Variants in TAFA2 observed in about 807,000 individuals in gnomAD.
TAFA2 encodes TAFA chemokine like family member 2, also known as chemokine-like protein TAFA-2.
A neutral mutation model predicts 18.8 loss-of-function variants in TAFA2; 7 were observed. The observed-to-expected ratio is 0.37, with a 90% CI of 0.21 to 0.70. The LOEUF is 0.70. TAFA2 is among the 30% of genes least tolerant of loss of function. TAFA2 has a pLI of 0.53. For missense variants in TAFA2, 122 were observed against 158.1 expected (o/e 0.77, Z 1.23); for synonymous variants, 60 against 54.2 (o/e 1.11, Z -0.47).
At chr12:61,978,508 T>A (rs1251348537) in intron 1 of TAFA2, among the ~76,000 whole-genome samples, 2 of 151,928 alleles carry the variant, frequency 1.3e-5, no homozygotes, top group Admixed American at 6.6e-5. Flanking sequence ...GACATACACC[T>A]ACATCAGACA....
intron 1 of TAFA2, among the ~76,000 whole-genome samples, chr12:62,048,225 G>A (rs1881959769): frequency 7.7e-6 from 1 of 130,644 alleles, no homozygotes; most frequent in Non-Finnish European, 1.7e-5. Context: ...TGGCTGGGGA[G>A]GTCTCAGGAA....
intron 1 of TAFA2, among the ~76,000 whole-genome samples, chr12:62,011,041 AGGTGGGG>A (rs1880742054): frequency 7.6e-6 from 1 of 131,018 alleles, no homozygotes; most frequent in Non-Finnish European, 1.6e-5. Context: ...CCCATCTGGG[AGGTGGGG>A]GGCGTCTCTG....
chr12:61,990,592 G>A (rs929544343), intron 1 of TAFA2, among the ~76,000 whole-genome samples: 2 of 145,798 alleles, frequency 1.4e-5, no homozygotes, highest in Non-Finnish European at 3.0e-5. Context: ...ACCCGCCTCG[G>A]CCTCCCAAAG....
upstream of TAFA2, among the ~76,000 whole-genome samples, chr12:62,194,004 T>C (rs1282788878): frequency 1.3e-5 from 2 of 152,230 alleles, no homozygotes; most frequent in Non-Finnish European, 2.9e-5. Flanking sequence ...CATATTTGAC[T>C]TTGTCTAGTA....
intron 4 of TAFA2, among the ~76,000 whole-genome samples, chr12:61,726,002 G>T (rs368918787): frequency 6.8e-6 from 1 of 146,830 alleles, no homozygotes; most frequent in Non-Finnish European, 1.5e-5. Flanking sequence ...ACAAAAATCT[G>T]AGAAGAGTTT....
chr12:62,221,492 T>C (rs1182010526), intron 1 of TAFA2, among the ~76,000 whole-genome samples: 1 of 152,094 alleles, frequency 6.6e-6, no homozygotes, highest in Admixed American at 6.5e-5. Context: ...CTAAGTGCTA[T>C]TAGTTCAGGG....
chr12:61,946,186 G>GAC (rs1485042410), intron 1 of TAFA2, among the ~76,000 whole-genome samples: 18 of 150,948 alleles, frequency 1.2e-4, no homozygotes, highest in Non-Finnish European at 2.1e-4. Context: ...TGACAAACCT[G>GAC]AGAAAAACAA....
intron 2 of TAFA2, among the ~76,000 whole-genome samples, chr12:61,843,225 T>A (rs1378251450): frequency 6.6e-6 from 1 of 151,966 alleles, no homozygotes; most frequent in African/African-American, 2.4e-5. Flanking sequence ...AAACTAGAGA[T>A]CTGGGACCCC....
At chr12:62,108,131 T>C (rs1473790871) in intron 1 of TAFA2, among the ~76,000 whole-genome samples, 1 of 152,078 alleles carries the variant, frequency 6.6e-6, no homozygotes, top group East Asian at 1.9e-4. Context: ...ATGCTATCCC[T>C]CCTCTAGTCC....
chr12:61,835,783 G>T (rs1248438187), intron 2 of TAFA2, among the ~76,000 whole-genome samples: 1 of 151,748 alleles, frequency 6.6e-6, no homozygotes, highest in African/African-American at 2.4e-5. Flanking sequence ...TGAATAAAAT[G>T]GTGCAAACAT....
intron 4 of TAFA2, among the ~76,000 whole-genome samples, chr12:61,741,385 A>G (rs748667271): frequency 6.6e-6 from 1 of 151,972 alleles, no homozygotes; most frequent in Admixed American, 6.6e-5. Flanking sequence ...GTATGAAGAT[A>G]GTCTAGTTGA....
intron 1 of TAFA2, among the ~76,000 whole-genome samples, chr12:61,893,939 G>A (rs1389199670): frequency 6.6e-6 from 1 of 151,966 alleles, no homozygotes; most frequent in Non-Finnish European, 1.5e-5. Flanking sequence ...ATTTATCTTA[G>A]TTTCCCTATA....
At chr12:61,969,080 T>A (rs1171319721) in intron 1 of TAFA2, among the ~76,000 whole-genome samples, 1 of 151,744 alleles carries the variant, frequency 6.6e-6, no homozygotes, top group Non-Finnish European at 1.5e-5. Flanking sequence ...GTGTTCTGTT[T>A]TTCCCTTTCG....
intron 1 of TAFA2, among the ~76,000 whole-genome samples, chr12:62,190,595 C>T (rs1414827592): frequency 2.0e-5 from 3 of 152,150 alleles, no homozygotes; most frequent in Non-Finnish European, 2.9e-5. Flanking sequence ...CTTGTAGTAG[C>T]CTTTACAAAA....
intron 1 of TAFA2, among the ~76,000 whole-genome samples, chr12:62,044,841 TCTC>T (rs1257910670): frequency 1.3e-5 from 2 of 152,130 alleles, no homozygotes; most frequent in Non-Finnish European, 2.9e-5. Context: ...AAACGATCAA[TCTC>T]CTGCAAGCTT....
intron 1 of TAFA2, among the ~76,000 whole-genome samples, chr12:61,976,972 C>T (rs998337442): frequency 3.3e-5 from 5 of 151,990 alleles, no homozygotes; most frequent in East Asian, 1.9e-4. Flanking sequence ...TGAATAGTGC[C>T]GTAATAAACA....
intron 4 of TAFA2, among the ~76,000 whole-genome samples, chr12:61,740,183 G>A (rs1179419113): frequency 6.6e-6 from 1 of 152,028 alleles, no homozygotes; most frequent in Non-Finnish European, 1.5e-5. Flanking sequence ...AAAATGCAAT[G>A]TAAGTGTAAA....
chr12:62,103,614 G>A (rs1869305411), intron 1 of TAFA2, among the ~76,000 whole-genome samples: 1 of 152,156 alleles, frequency 6.6e-6, no homozygotes, highest in Non-Finnish European at 1.5e-5. Context: ...GATGGCGTAT[G>A]CCTGTAGTCC....
chr12:61,769,341 C>T (rs867405857), intron 2 of TAFA2, among the ~76,000 whole-genome samples: 2 of 151,612 alleles, frequency 1.3e-5, no homozygotes, highest in Non-Finnish European at 3.0e-5. Flanking sequence ...AATACTTATC[C>T]AGGCAACACT....
Sources: gnomAD v4.1 joint callset for allele counts (sites outside exome capture counted in the v4.1 genomes callset) on GRCh38, gnomAD v4.1.1 for gene constraint, MANE v1.5 for transcripts, NCBI Gene and HGNC (gene_info 2026-07-23, HGNC 2026-07-21) for gene names.